Variants in PHF21B observed in about 807,000 individuals in gnomAD.
PHF21B encodes PHD finger protein 21B, also known as PHD finger protein 4.
PHF21B carries 22 observed loss-of-function variants against 62.2 expected under a neutral mutation model. The observed-to-expected ratio is 0.35, with a 90% CI of 0.25 to 0.51. PHF21B has a LOEUF of 0.51. Among genes scored for constraint, PHF21B ranks in the 20% least tolerant of loss-of-function variants. The probability of loss-of-function intolerance (pLI) is 0.97; values close to 1 mark genes in which losing one functional copy is unlikely to be tolerated. For synonymous variants in PHF21B, 341 were observed against 314.7 expected (o/e 1.08, Z -0.88); for missense variants, 701 against 707.9 (o/e 0.99, Z 0.11).
chr22:44,885,928 TTCTTTA>T lies in PHF21B; in HGVS notation c.1202_1207del (p.Leu401_Lys403delinsTer). 6.2e-7 allele frequency: 1 copy of T among 1,614,044 alleles called. No homozygotes were observed. The highest frequency in any genetic ancestry group is 8.5e-7 in the Non-Finnish European group (1 of 1,179,978). On this transcript the variant is annotated stop_gained and inframe_deletion, in exon 11 of 13. Coordinates refer to ENST00000313237, the MANE Select transcript of PHF21B (RefSeq NM_138415.5). LOFTEE classifies it high-confidence loss of function. ...CCCAGTCCAGGGCACACCCTCGTCT[TTCTTTA>T]AGGCCTGGGGAGCAGACGGGGAGAT...
intron 2 of PHF21B, among the ~76,000 whole-genome samples, chr22:44,954,367 C>A (rs1033499553): frequency 3.3e-5 from 5 of 152,210 alleles, no homozygotes; most frequent in Non-Finnish European, 1.5e-5. Context: ...GCTCAGGGAT[C>A]TTGGATCTGG....
intron 2 of PHF21B, among the ~76,000 whole-genome samples, chr22:44,979,166 G>A (rs1401818444): frequency 6.6e-6 from 1 of 152,248 alleles, no homozygotes; most frequent in Non-Finnish European, 1.5e-5. Context: ...CACAGTGCTT[G>A]GCAGAGATCT....
At chr22:44,905,871 G>A (rs1357808523) in intron 5 of PHF21B, among the ~76,000 whole-genome samples, 1 of 152,172 alleles carries the variant, frequency 6.6e-6, no homozygotes, top group Non-Finnish European at 1.5e-5. Context: ...CTCGTGATCC[G>A]CCCACCTCGG....
chr22:44,929,904 G>A lies in PHF21B; in HGVS notation c.121-9414C>T, dbSNP rs1042542114. On this transcript the variant is annotated intron_variant, in intron 2 of 12. Coordinates refer to ENST00000313237, the MANE Select transcript of PHF21B (RefSeq NM_138415.5). ...AGGCGACAGGTCGAAGATGAGGTGA[G>A]GCAGCGAGCCCAGGCCTGCAGTTCC... Among the ~76,000 whole-genome samples the A allele has an allele frequency of 6.6e-5, 10 of 152,290 alleles. 2 individuals carry two copies.
chr22:44,909,738 A>G (rs998187500), intron 5 of PHF21B, among the ~76,000 whole-genome samples: 12 of 152,138 alleles, frequency 7.9e-5, no homozygotes, highest in Non-Finnish European at 1.8e-4. Flanking sequence ...GCTATTGCCT[A>G]TGCAGTGCCC....
At chr22:44,922,726 T>G (rs1420949668) in intron 2 of PHF21B, among the ~76,000 whole-genome samples, 1 of 152,106 alleles carries the variant, frequency 6.6e-6, no homozygotes, top group African/African-American at 2.4e-5. Flanking sequence ...TGCAATAGCA[T>G]CAATAAATAA....
At position 44,999,189 on chromosome 22, in the gene PHF21B, T is replaced by A. The variant is rs142860082; in HGVS notation, c.120+9356A>T. Among the ~76,000 whole-genome samples the A allele has an allele frequency of 3.0e-3, 458 of 152,248 alleles. 2 individuals carry two copies. Among genetic ancestry groups the A allele is most frequent in the Non-Finnish European group, 4.7e-3 (323 of 68,020 alleles). ...GGGACTGCTACTACCGAACAGGAAG[T>A]CACCACCAAAAACAACACAGAGCAA... On this transcript the variant is annotated intron_variant, in intron 2 of 12. Coordinates refer to ENST00000313237, the MANE Select transcript of PHF21B (RefSeq NM_138415.5).
chr22:44,946,308 T>A (rs2072069936), intron 2 of PHF21B, among the ~76,000 whole-genome samples: 1 of 149,650 alleles, frequency 6.7e-6, no homozygotes, highest in Non-Finnish European at 1.5e-5. Context: ...CGAGGCCAGA[T>A]ACCCCAATTC....
Position 45,009,438 on chromosome 22 carries a change from C to G in PHF21B, c.54+58G>C, listed in dbSNP as rs2073384967. The G allele has an allele frequency of 6.8e-7, 1 of 1,469,982 alleles. No homozygotes were observed. Among genetic ancestry groups the G allele is most frequent in the Non-Finnish European group, 9.0e-7 (1 of 1,105,076 alleles). The allele number at this position is 1,469,982 out of a possible 1,614,324, so 91.1% of individuals were successfully genotyped here. A position where few individuals can be genotyped will look rare whatever the true frequency, so the allele number is the denominator to read the frequency against. On this transcript the variant is annotated intron_variant, in intron 1 of 12. Coordinates refer to ENST00000313237, the MANE Select transcript of PHF21B (RefSeq NM_138415.5). The surrounding 1 kb of genome is among the most constrained non-coding windows in gnomAD (Gnocchi z 5.9). Reference sequence around the variant, plus strand: ...GAGAGGATGCTGGGCTCGGGTCCCCCGACCCCCTCACCCCGCAACACACTC... The same window carrying G: ...GAGAGGATGCTGGGCTCGGGTCCCCGGACCCCCTCACCCCGCAACACACTC...
At chr22:44,968,219 C>A (rs1301327822) in intron 2 of PHF21B, among the ~76,000 whole-genome samples, 1 of 152,148 alleles carries the variant, frequency 6.6e-6, no homozygotes, top group African/African-American at 2.4e-5. Context: ...ATTTGAAACT[C>A]TTCTGCATGG....
intron 12 of PHF21B, among the ~76,000 whole-genome samples, chr22:44,883,979 TACC>T (rs1217386774): frequency 1.1e-5 from 1 of 92,814 alleles, no homozygotes; most frequent in Non-Finnish European, 1.9e-5. Context: ...CTGTGATCAT[TACC>T]ACCATCACCA....
At chr22:44,961,529 TG>T (rs1256717986) in intron 2 of PHF21B, among the ~76,000 whole-genome samples, 1 of 152,150 alleles carries the variant, frequency 6.6e-6, no homozygotes, top group Non-Finnish European at 1.5e-5. Flanking sequence ...TTTCTGTTCC[TG>T]CTCTATTTGC....
intron 2 of PHF21B, among the ~76,000 whole-genome samples, chr22:44,994,151 T>TA (rs372342387): frequency 7.9e-5 from 12 of 152,380 alleles, no homozygotes; most frequent in African/African-American, 2.9e-4. Flanking sequence ...TAGGCAGGGC[T>TA]AGCTTCAGCT....
chr22:45,007,054 C>A (rs1201961040), intron 2 of PHF21B, among the ~76,000 whole-genome samples: 1 of 152,068 alleles, frequency 6.6e-6, no homozygotes, highest in East Asian at 1.9e-4. Context: ...GGCCCCCCTC[C>A]GGCGGGAATG....
chr22:44,959,043 G>T (rs1021241794), intron 2 of PHF21B, among the ~76,000 whole-genome samples: 1 of 152,122 alleles, frequency 6.6e-6, no homozygotes, highest in Non-Finnish European at 1.5e-5. Flanking sequence ...ATGGTATACT[G>T]CCTGATTTCT....
intron 10 of PHF21B, among the ~76,000 whole-genome samples, chr22:44,886,764 G>A (rs910358164): frequency 1.3e-5 from 2 of 152,030 alleles, no homozygotes; most frequent in African/African-American, 2.4e-5. Context: ...GGAACAGCCC[G>A]ACAGCAGCCC....
At position 44,916,585 on chromosome 22, in the gene PHF21B, C is replaced by A. The variant is rs2147303755; in HGVS notation, c.259G>T (p.Gly87Cys). The A allele has an allele frequency of 6.2e-7, 1 of 1,605,394 alleles. No individual in the cohort carries two copies. Among genetic ancestry groups the A allele is most frequent in the East Asian group, 2.2e-5 (1 of 44,860 alleles). ...GGCTGCTTGGGTGGCCGGTCCCGGC[C>A]CGGGGCAACGGGGAGGCTGTCTGGA... ...LIPDSLPVAP[G>C]RDRPPKQPPT... The change falls in exon 4 of 13, where the codon GGC becomes TGC. Residue 87 changes from glycine (G) to cysteine (C), a missense_variant. Physicochemically the swap from Gly to Cys is radical, Grantham distance 159 (BLOSUM62 -3). Coordinates refer to ENST00000313237, the MANE Select transcript of PHF21B (RefSeq NM_138415.5).
intron 7 of PHF21B, 88 bp from the exon 8 acceptor site, chr22:44,891,448 G>C: frequency 1.3e-6 from 2 of 1,505,126 alleles, no homozygotes. Context: ...ACTCTCTCTG[G>C]GACAGGGTTC....
chr22:45,007,618 C>T (rs1263932128), intron 2 of PHF21B, among the ~76,000 whole-genome samples: 2 of 145,292 alleles, frequency 1.4e-5, no homozygotes, highest in Admixed American at 1.4e-4. Context: ...CCCCCGTGCC[C>T]GCCACAGCGG....
Sources: allele counts gnomAD v4.1 joint callset (sites outside exome capture counted in the v4.1 genomes callset), GRCh38; gene constraint gnomAD v4.1.1; non-coding constraint Gnocchi (gnomAD v3.1); transcripts MANE v1.5; gene names NCBI Gene and HGNC (gene_info 2026-07-23, HGNC 2026-07-21).